Variants in LDLRAD3 observed in about 807,000 individuals in gnomAD.
The protein encoded by LDLRAD3 is low-density lipoprotein receptor class A domain-containing protein 3.
A neutral mutation model predicts 29.4 loss-of-function variants in LDLRAD3; 20 were observed. The observed-to-expected ratio is 0.68, with a 90% CI of 0.48 to 0.99. The LOEUF (loss-of-function observed/expected upper bound fraction) is 0.99, where lower values mean the gene tolerates loss of function less well. Ranked by LOEUF, LDLRAD3 falls within the 50% of genes least tolerant of loss-of-function variation. The probability of loss-of-function intolerance (pLI) is 0.00; values close to 1 mark genes in which losing one functional copy is unlikely to be tolerated. For synonymous variants in LDLRAD3, 157 were observed against 192.7 expected, an observed-to-expected ratio of 0.81 and a Z score of 1.53; for missense variants, 420 against 454.3, an observed-to-expected ratio of 0.92 and a Z score of 0.69.
At chr11:36,178,848 A>G (rs1244292187) in intron 4 of LDLRAD3, among the ~76,000 whole-genome samples, 1 of 152,128 alleles carries the variant, frequency 6.6e-6, no homozygotes, top group African/African-American at 2.4e-5. Flanking sequence ...CTGCTTTTCC[A>G]TCACTTATGG....
intron 4 of LDLRAD3, among the ~76,000 whole-genome samples, chr11:36,147,413 C>T (rs1441484230): frequency 5.9e-5 from 9 of 152,154 alleles, no homozygotes; most frequent in African/African-American, 1.7e-4. Context: ...CCACCACACC[C>T]GGCCCCTCTA....
At chr11:36,022,820 C>A (rs262430) in intron 1 of LDLRAD3, among the ~76,000 whole-genome samples, 62,035 of 152,132 alleles carry the variant, frequency 0.41, 15,514 homozygotes, top group Non-Finnish European at 0.54. Context: ...ACAGTTTCAG[C>A]CCTTTAAAAC....
chr11:36,131,049 A>T (rs1448996169), intron 4 of LDLRAD3, among the ~76,000 whole-genome samples: 1 of 152,162 alleles, frequency 6.6e-6, no homozygotes, highest in Non-Finnish European at 1.5e-5. Context: ...ATCCAACCTG[A>T]GCTGTGCAGT....
rs1352461746 is a variant in LDLRAD3 at position 36,232,116 on chromosome 11, T to G, written c.*2719T>G. 1.3e-5 allele frequency: 2 copies of G among 152,258 alleles called. No individual in the cohort carries two copies. Among genetic ancestry groups the G allele is most frequent in the Non-Finnish European group, 2.9e-5 (2 of 68,044 alleles). 9.4% of individuals were successfully genotyped at this position (152,258 alleles called of 1,614,324 possible). The stretch of plus-strand genomic sequence containing the variant: ...GTTTTTTAATTTTTATACTTTCTAA[T>G]AAATTTGCAGTTTCATTCTTTCTGT... On this transcript the variant is annotated 3_prime_UTR_variant, in exon 6 of 6. Transcript: ENST00000315571.
chr11:36,048,419 C>G (rs1852483319), intron 2 of LDLRAD3, among the ~76,000 whole-genome samples: 1 of 152,158 alleles, frequency 6.6e-6, no homozygotes, highest in Non-Finnish European at 1.5e-5. Flanking sequence ...AAGAATCAGA[C>G]TATCTACCTG....
rs369739897 is a variant in LDLRAD3 at position 36,002,411 on chromosome 11, G to A, written c.47-33692G>A. On this transcript the variant is annotated intron_variant, in intron 1 of 5. Transcript: ENST00000315571. ...ATGTGTTGTCACTCCTTCCTGTGTCGTCCTCATCATCCCTTCAACGACTAG... is the reference window on the plus strand; with the variant it reads ...ATGTGTTGTCACTCCTTCCTGTGTCATCCTCATCATCCCTTCAACGACTAG... Among the ~76,000 whole-genome samples, 83 of 152,286 alleles carry A rather than the reference G, an allele frequency of 5.5e-4. 1 individual carries two copies. Among genetic ancestry groups the A allele is most frequent in the Middle Eastern group, 3.4e-3 (1 of 294 alleles).
chr11:36,029,871 C>T (rs1237226612), intron 1 of LDLRAD3, among the ~76,000 whole-genome samples: 2 of 152,226 alleles, frequency 1.3e-5, no homozygotes, highest in Non-Finnish European at 2.9e-5. Context: ...GCTAGGCCCA[C>T]TCACTATCCC....
At chr11:35,965,223 T>C (rs1851325068) in intron 1 of LDLRAD3, among the ~76,000 whole-genome samples, 1 of 152,234 alleles carries the variant, frequency 6.6e-6, no homozygotes, top group African/African-American at 2.4e-5. Context: ...CCAATCATTA[T>C]TTTCTAAAAT....
At chr11:36,110,785 G>A (rs1337019085) in intron 4 of LDLRAD3, among the ~76,000 whole-genome samples, 1 of 152,226 alleles carries the variant, frequency 6.6e-6, no homozygotes, top group African/African-American at 2.4e-5. Context: ...TTACCCTCAA[G>A]TGTGATAAAT....
At chr11:36,188,804 A>T (rs1854894625) in intron 4 of LDLRAD3, among the ~76,000 whole-genome samples, 1 of 152,132 alleles carries the variant, frequency 6.6e-6, no homozygotes. Flanking sequence ...TGAAACTACT[A>T]GCCCTTTTCC....
chr11:36,201,966 T>C (rs1000041395), intron 4 of LDLRAD3, among the ~76,000 whole-genome samples: 1 of 152,010 alleles, frequency 6.6e-6, no homozygotes, highest in Non-Finnish European at 1.5e-5. Flanking sequence ...TAAGCACAGC[T>C]CAGCCTTATG....
At chr11:36,199,588 C>CACACACAT (rs1855089230) in intron 4 of LDLRAD3, among the ~76,000 whole-genome samples, 1 of 149,394 alleles carries the variant, frequency 6.7e-6, no homozygotes, top group Non-Finnish European at 1.5e-5. Context: ...CACACACACA[C>CACACACAT]GCACGCACGC....
chr11:36,218,625 A>G (rs1260668613), intron 4 of LDLRAD3, among the ~76,000 whole-genome samples: 1 of 152,194 alleles, frequency 6.6e-6, no homozygotes, highest in Non-Finnish European at 1.5e-5. Flanking sequence ...GTGGACAGAG[A>G]AAAAGGAGAA....
At chr11:35,973,458 G>C (rs1565134714) in intron 1 of LDLRAD3, among the ~76,000 whole-genome samples, 1 of 151,888 alleles carries the variant, frequency 6.6e-6, no homozygotes, top group Admixed American at 6.6e-5. Flanking sequence ...TGTTTTGTTT[G>C]TTTGTTTTGT....
intron 1 of LDLRAD3, among the ~76,000 whole-genome samples, chr11:35,965,091 A>G (rs138999146): frequency 9.2e-5 from 14 of 152,218 alleles, no homozygotes; most frequent in Admixed American, 2.0e-4. Context: ...AGGCTTGGAT[A>G]TTATGGACCA....
intron 4 of LDLRAD3, among the ~76,000 whole-genome samples, chr11:36,170,578 CA>C (rs568055085): frequency 1.6e-4 from 25 of 152,016 alleles, no homozygotes; most frequent in Non-Finnish European, 3.4e-4. Flanking sequence ...AAGGAATCTC[CA>C]TATTGTTTTC....
chr11:36,057,951 T>C (rs1233244083), intron 2 of LDLRAD3, among the ~76,000 whole-genome samples: 1 of 152,184 alleles, frequency 6.6e-6, no homozygotes, highest in Non-Finnish European at 1.5e-5. Context: ...GTTGCAGTTT[T>C]CTCATCTGGA....
intron 1 of LDLRAD3, among the ~76,000 whole-genome samples, chr11:35,985,438 C>T (rs1382154504): frequency 6.6e-6 from 1 of 152,110 alleles, no homozygotes; most frequent in Non-Finnish European, 1.5e-5. Flanking sequence ...ACTCTCTGGC[C>T]ATTGGGATGG....
At chr11:36,122,567 A>T (rs971203535) in intron 4 of LDLRAD3, among the ~76,000 whole-genome samples, 11 of 152,234 alleles carry the variant, frequency 7.2e-5, no homozygotes, top group Admixed American at 3.3e-4. Context: ...GATGATAACA[A>T]TAATAATTAC....
Sources: allele counts gnomAD v4.1 joint callset (sites outside exome capture counted in the v4.1 genomes callset), GRCh38; gene constraint gnomAD v4.1.1; transcripts MANE v1.5; gene names NCBI Gene and HGNC (gene_info 2026-07-23, HGNC 2026-07-21).